The following GALNT18 variants were observed in gnomAD, a reference collection of about 807,000 sequenced individuals.
GALNT18 encodes polypeptide N-acetylgalactosaminyltransferase 18.
GALNT18 carries 44 observed loss-of-function variants against 69.5 expected under a neutral mutation model. That is an observed-to-expected ratio of 0.63 (90% CI 0.50 to 0.81). The LOEUF (loss-of-function observed/expected upper bound fraction) is 0.81, where lower values mean the gene tolerates loss of function less well. Among genes scored for constraint, GALNT18 ranks in the 40% least tolerant of loss-of-function variants. GALNT18 has a pLI of 0.00. For synonymous variants in GALNT18, 364 were observed against 318.2 expected, an observed-to-expected ratio of 1.14 and a Z score of -1.53; for missense variants, 715 against 810.0, an observed-to-expected ratio of 0.88 and a Z score of 1.42.
intron 9 of GALNT18, among the ~76,000 whole-genome samples, chr11:11,296,277 T>A (rs1849399593): frequency 6.6e-6 from 1 of 152,096 alleles, no homozygotes; most frequent in African/African-American, 2.4e-5. Context: ...CTACCCCAAC[T>A]CTTACTACTT....
At chr11:11,501,995 T>C (rs1856981849) in intron 1 of GALNT18, among the ~76,000 whole-genome samples, 1 of 152,216 alleles carries the variant, frequency 6.6e-6, no homozygotes, top group Non-Finnish European at 1.5e-5. Context: ...TGGAGGCCTC[T>C]GAGGACGAGG....
At chr11:11,585,821 T>G (rs1859206869) in intron 1 of GALNT18, among the ~76,000 whole-genome samples, 1 of 64,008 alleles carries the variant, frequency 1.6e-5, no homozygotes. Flanking sequence ...TTTTTTTTTT[T>G]TGGCTGTTGC....
chr11:11,527,709 G>A (rs1857552684), intron 1 of GALNT18, among the ~76,000 whole-genome samples: 1 of 152,064 alleles, frequency 6.6e-6, no homozygotes, highest in South Asian at 2.1e-4. Context: ...GAGCTCTCTG[G>A]GCATAACAAA....
At chr11:11,333,612 T>TA (rs1185368911) in intron 7 of GALNT18, among the ~76,000 whole-genome samples, 11 of 152,176 alleles carry the variant, frequency 7.2e-5, no homozygotes, top group African/African-American at 2.7e-4. Flanking sequence ...GACCAAGTCC[T>TA]TGCAGGAGAA....
Position 11,469,705 on chromosome 11 carries a change from A to T in GALNT18, c.236-20769T>A, listed in dbSNP as rs1856230666. Among the ~76,000 whole-genome samples, 1 of 152,200 alleles carries T rather than the reference A, an allele frequency of 6.6e-6. No individual in the cohort carries two copies. The highest frequency in any genetic ancestry group is 2.4e-5 in the African/African-American group (1 of 41,452). On this transcript the variant is annotated intron_variant, in intron 1 of 10. Transcript: ENST00000227756. This position sits in a 1 kb window ranked among gnomAD's most constrained non-coding sequence, Gnocchi z 4.2. The stretch of plus-strand genomic sequence containing the variant: ...GACGGTGTTAAGCAGATTTGCTAAA[A>T]GGTGGACTGTGAGTTGGTTGTTGGG...
At chr11:11,612,933 T>A (rs569747426) in intron 1 of GALNT18, among the ~76,000 whole-genome samples, 13 of 152,332 alleles carry the variant, frequency 8.5e-5, no homozygotes, top group African/African-American at 2.6e-4. Flanking sequence ...AGTATGCCTG[T>A]TGGTTCTAAA....
rs1337070116 is a variant in GALNT18 at position 11,432,073 on chromosome 11, A to G, written c.595+548T>C. Among the ~76,000 whole-genome samples the G allele has an allele frequency of 1.3e-5, 2 of 152,164 alleles. No individual in the cohort carries two copies. Among genetic ancestry groups the G allele is most frequent in the African/African-American group, 4.8e-5 (2 of 41,422 alleles). On this transcript the variant is annotated intron_variant, in intron 3 of 10. Transcript: ENST00000227756. This position sits in a 1 kb window ranked among gnomAD's most constrained non-coding sequence, Gnocchi z 5.8. The stretch of plus-strand genomic sequence containing the variant: ...CAGGCCACCCAGGGTCTGGCTAGGG[A>G]CAGATGGAACAGGGAACAGGGGATC...
intron 1 of GALNT18, among the ~76,000 whole-genome samples, chr11:11,488,944 C>T (rs547819832): frequency 1.1e-4 from 16 of 152,258 alleles, no homozygotes; most frequent in Admixed American, 3.9e-4. Flanking sequence ...ATGACCTTGC[C>T]CTTGACCCAC....
chr11:11,377,063 C>T lies in GALNT18; in HGVS notation c.977+119G>A, dbSNP rs2133686431. The T allele has an allele frequency of 1.1e-6, 1 of 892,710 alleles. No individual in the cohort carries two copies. 55.3% of individuals were successfully genotyped at this position (892,710 alleles called of 1,614,324 possible). A position where few individuals can be genotyped will look rare whatever the true frequency, so the allele number is the denominator to read the frequency against. On this transcript the variant is annotated intron_variant, in intron 5 of 10. Coordinates refer to ENST00000227756, the MANE Select transcript of GALNT18 (RefSeq NM_198516.3). This position sits in a 1 kb window ranked among gnomAD's most constrained non-coding sequence, Gnocchi z 4.6. ...GATCAGACTGCAGTTCCTTTCGACCCTGCCCACCCCTGTCATCCCCACGAT... is the reference window on the plus strand; with the variant it reads ...GATCAGACTGCAGTTCCTTTCGACCTTGCCCACCCCTGTCATCCCCACGAT...
Position 11,446,682 on chromosome 11 carries a change from G to A in GALNT18, c.428+2062C>T, listed in dbSNP as rs1855660518. ...TCCAGGCCACCACTGCCTCTCACCT[G>A]GAAGCCTCTTAATTGGTCTCCATGC... On this transcript the variant is annotated intron_variant, in intron 2 of 10. Transcript: ENST00000227756. 2.0e-5 allele frequency among the ~76,000 whole-genome samples: 3 copies of A among 152,152 alleles called. No individual in the cohort carries two copies. In the South Asian group the frequency reaches 6.2e-4, roughly 32 times the overall value.
chr11:11,360,277 C>T (rs1564909765), intron 6 of GALNT18, among the ~76,000 whole-genome samples: 1 of 152,146 alleles, frequency 6.6e-6, no homozygotes, highest in Non-Finnish European at 1.5e-5. Flanking sequence ...TGTGTGAAGC[C>T]CCACCTAACT....
chr11:11,529,288 C>T (rs963367080), intron 1 of GALNT18, among the ~76,000 whole-genome samples: 1 of 152,164 alleles, frequency 6.6e-6, no homozygotes, highest in Non-Finnish European at 1.5e-5. Flanking sequence ...AGTAGACTGA[C>T]TATATGTGGG....
chr11:11,379,075 A>T lies in GALNT18; in HGVS notation c.779+6T>A. The T allele has an allele frequency of 6.3e-7, 1 of 1,586,374 alleles. No individual in the cohort carries two copies. Among genetic ancestry groups the T allele is most frequent in the Non-Finnish European group, 8.5e-7 (1 of 1,170,710 alleles). ...GACTCCTCCTCCTCTCCCAAGGGGC[A>T]CTTACCAGCCCACATTGAACTCCAC... is the stretch of plus-strand genomic sequence containing the variant. On this transcript the variant is annotated splice_donor_region_variant and intron_variant, in intron 4 of 10. Coordinates refer to ENST00000227756, the MANE Select transcript of GALNT18 (RefSeq NM_198516.3).
chr11:11,305,263 T>C (rs760418812), intron 9 of GALNT18, among the ~76,000 whole-genome samples: 5 of 152,188 alleles, frequency 3.3e-5, no homozygotes, highest in African/African-American at 4.8e-5. Context: ...ATCAGCTGCT[T>C]TTGACAAGAT....
chr11:11,315,955 C>T lies in GALNT18; in HGVS notation c.1512+11131G>A, dbSNP rs1276642819. Among the ~76,000 whole-genome samples the T allele has an allele frequency of 3.3e-5, 5 of 152,058 alleles. No individual in the cohort carries two copies. The East Asian group carries it at 7.7e-4, about 23-fold the overall frequency. The stretch of plus-strand genomic sequence containing the variant: ...GAGTGAGCCTCACAGGGCCAGTCCC[C>T]GCATCACTCTGTACTGACATGAATG... On this transcript the variant is annotated intron_variant, in intron 9 of 10. Transcript: ENST00000227756. This position sits in a 1 kb window ranked among gnomAD's most constrained non-coding sequence, Gnocchi z 5.6.
chr11:11,520,591 C>G (rs1857373978), intron 1 of GALNT18, among the ~76,000 whole-genome samples: 2 of 152,172 alleles, frequency 1.3e-5, no homozygotes, highest in African/African-American at 4.8e-5. Flanking sequence ...GAGGCAGCCT[C>G]TGAGGTAGAG....
In GALNT18 at chr11:11,523,951, C is replaced by A. The variant is rs572272018; in HGVS notation, c.236-75015G>T. Among the ~76,000 whole-genome samples, 2 of 152,270 alleles carry A rather than the reference C, an allele frequency of 1.3e-5. No individual in the cohort carries two copies. The highest frequency in any genetic ancestry group is 4.1e-4 in the South Asian group (2 of 4,820). On this transcript the variant is annotated intron_variant, in intron 1 of 10. Transcript: ENST00000227756. The surrounding 1 kb of genome is among the most constrained non-coding windows in gnomAD (Gnocchi z 4.3). ...GAGGACCCTCTGGGCACTGCCAATA[C>A]TGTGGATACTGGGCACTGCATTGCA...
rs1860198387 is a variant in GALNT18, at chr11:11,621,680, G to T, written c.-87C>A. On this transcript the variant is annotated 5_prime_UTR_variant, in exon 1 of 11. Coordinates refer to ENST00000227756, the MANE Select transcript of GALNT18 (RefSeq NM_198516.3). This position sits in a 1 kb window ranked among gnomAD's most constrained non-coding sequence, Gnocchi z 9.3. ...CCCCCGCGCTCGCACCCCGTAGCAC[G>T]TCCGGAGCCGCTGGGCACCTCAGCA... 3.0e-6 allele frequency: 3 copies of T among 995,750 alleles called. No individual in the cohort carries two copies. In the Admixed American group the frequency reaches 6.5e-5, roughly 22 times the overall value. 61.7% of individuals were successfully genotyped at this position (995,750 alleles called of 1,614,324 possible).
rs117391050 is a variant in GALNT18 at position 11,340,806 on chromosome 11, C to T, written c.1278+13G>A. 0.012 allele frequency: 19,886 copies of T among 1,591,952 alleles called. 159 individuals carry two copies. The highest frequency in any genetic ancestry group is 0.013 in the Non-Finnish European group (15,715 of 1,167,688). ...CAATCCCCGAGAAACTCATCCCTAC[C>T]GGAGATCCCTACCTCCTGCGGTATG... On this transcript the variant is annotated intron_variant, in intron 7 of 10. Coordinates refer to ENST00000227756, the MANE Select transcript of GALNT18 (RefSeq NM_198516.3). This position sits in a 1 kb window ranked among gnomAD's most constrained non-coding sequence, Gnocchi z 4.2.
Sources: allele counts gnomAD v4.1 joint callset (sites outside exome capture counted in the v4.1 genomes callset), GRCh38; gene constraint gnomAD v4.1.1; non-coding constraint Gnocchi (gnomAD v3.1); transcripts MANE v1.5; gene names NCBI Gene and HGNC (gene_info 2026-07-23, HGNC 2026-07-21).